Variants in TENM2 observed in about 807,000 individuals in gnomAD.
TENM2 encodes teneurin-2.
In TENM2, 52 loss-of-function variants were observed where a neutral mutation model predicts 245.2. The observed-to-expected ratio is 0.21, with a 90% CI of 0.17 to 0.27. The LOEUF (loss-of-function observed/expected upper bound fraction) is 0.27. Among genes scored for constraint, TENM2 ranks in the 10% least tolerant of loss-of-function variants. TENM2 has a pLI of 1.00. For missense variants in TENM2, 3,046 were observed against 3,666.8 expected (o/e 0.83, Z 4.37); for synonymous variants, 1,363 against 1,438.9 (o/e 0.95, Z 1.19).
At chr5:167,016,708 A>G in the TENM2 span, among the ~76,000 whole-genome samples, 1 of 152,204 alleles carries the variant, frequency 6.6e-6, no homozygotes, top group Non-Finnish European at 1.5e-5. Flanking sequence ...AGAAACACAT[A>G]TGCTAGTTTG....
At chr5:166,981,280 G>A in the TENM2 span, among the ~76,000 whole-genome samples, 8 of 152,148 alleles carry the variant, frequency 5.3e-5, no homozygotes, top group Admixed American at 4.6e-4. Context: ...TGGGTCCCTT[G>A]AGATGGCAAT....
intron 3 of TENM2, chr5:167,938,220 T>C (rs1342160565): frequency 6.6e-6 from 1 of 152,242 alleles, no homozygotes; most frequent in Non-Finnish European, 1.5e-5. Flanking sequence ...TGTGCCATGA[T>C]GCATCCTTTA....
intron 2 of TENM2, among the ~76,000 whole-genome samples, chr5:167,743,851 A>G (rs865926196): frequency 6.6e-6 from 1 of 152,208 alleles, no homozygotes; most frequent in Non-Finnish European, 1.5e-5. Flanking sequence ...TACTGACCTT[A>G]CCCCTCACTG....
At chr5:167,031,507 A>G in the TENM2 span, among the ~76,000 whole-genome samples, 1 of 152,176 alleles carries the variant, frequency 6.6e-6, no homozygotes, top group African/African-American at 2.4e-5. Flanking sequence ...AGCAAAATGA[A>G]TGGCTTGTTA....
chr5:167,299,531 G>A (rs1233845541), intron 1 of TENM2, among the ~76,000 whole-genome samples: 1 of 152,164 alleles, frequency 6.6e-6, no homozygotes, highest in Non-Finnish European at 1.5e-5. Flanking sequence ...AACAGCAGAT[G>A]GAACACTGAG....
At chr5:167,463,137 C>A (rs1766428625) in intron 2 of TENM2, among the ~76,000 whole-genome samples, 1 of 152,080 alleles carries the variant, frequency 6.6e-6, no homozygotes, top group South Asian at 2.1e-4. Flanking sequence ...TATTATATTT[C>A]CTAGTTCAGT....
chr5:167,942,787 A>C (rs1290063704), intron 3 of TENM2, among the ~76,000 whole-genome samples: 1 of 152,130 alleles, frequency 6.6e-6, no homozygotes, highest in Non-Finnish European at 1.5e-5. Context: ...TTGGGAGGTA[A>C]AGACAACTCC....
At chr5:167,234,862 A>G in the TENM2 span, among the ~76,000 whole-genome samples, 1 of 152,294 alleles carries the variant, frequency 6.6e-6, no homozygotes, top group South Asian at 2.1e-4. Context: ...CAATTTGAGC[A>G]TACTTTATGC....
At chr5:168,115,298 A>G (rs537171137) in intron 9 of TENM2, among the ~76,000 whole-genome samples, 15 of 143,906 alleles carry the variant, frequency 1.0e-4, no homozygotes, top group Non-Finnish European at 4.6e-5. Flanking sequence ...GTCTCAAAAA[A>G]AGAAAGAAGG....
At chr5:167,023,414 A>T in the TENM2 span, among the ~76,000 whole-genome samples, 1 of 152,216 alleles carries the variant, frequency 6.6e-6, no homozygotes, top group Non-Finnish European at 1.5e-5. Flanking sequence ...TAATCCTTCT[A>T]TTGGTTTGTG....
intron 2 of TENM2, among the ~76,000 whole-genome samples, chr5:167,524,758 T>A (rs1770992898): frequency 6.6e-6 from 1 of 151,666 alleles, no homozygotes; most frequent in Non-Finnish European, 1.5e-5. Flanking sequence ...GAACCCCAGG[T>A]CATTGCTATT....
chr5:167,260,367 T>C, the TENM2 span, among the ~76,000 whole-genome samples: 3 of 152,196 alleles, frequency 2.0e-5, no homozygotes, highest in Non-Finnish European at 4.4e-5. Flanking sequence ...AATTTGATTT[T>C]CAAAATCCTA....
intron 2 of TENM2, among the ~76,000 whole-genome samples, chr5:167,578,082 G>A (rs1202844361): frequency 1.3e-5 from 2 of 152,196 alleles, no homozygotes; most frequent in African/African-American, 4.8e-5. Context: ...GGCAAGCCAA[G>A]GTATTTGATA....
At chr5:167,667,434 T>C (rs1755647558) in intron 2 of TENM2, among the ~76,000 whole-genome samples, 1 of 152,178 alleles carries the variant, frequency 6.6e-6, no homozygotes, top group South Asian at 2.1e-4. Flanking sequence ...TCACTCAAAT[T>C]TCTCTCATGC....
At chr5:168,111,879 G>A (rs1794695931) in intron 9 of TENM2, among the ~76,000 whole-genome samples, 1 of 151,994 alleles carries the variant, frequency 6.6e-6, no homozygotes, top group African/African-American at 2.4e-5. Flanking sequence ...ACCTTTATTG[G>A]CAACTTATAT....
the TENM2 span, among the ~76,000 whole-genome samples, chr5:167,082,154 CTTA>C: frequency 2.0e-5 from 3 of 152,122 alleles, no homozygotes; most frequent in Non-Finnish European, 2.9e-5. Flanking sequence ...TTTTGTTCTT[CTTA>C]TTATTACTAC....
intron 12 of TENM2, among the ~76,000 whole-genome samples, chr5:168,144,680 C>A (rs1314276192): frequency 3.3e-5 from 5 of 151,610 alleles, no homozygotes; most frequent in Non-Finnish European, 5.9e-5. Context: ...ATTTATAGTC[C>A]TTTGGGTATA....
chr5:167,122,515 G>A, the TENM2 span, among the ~76,000 whole-genome samples: 4 of 152,134 alleles, frequency 2.6e-5, no homozygotes, highest in East Asian at 5.8e-4. Context: ...GCTCTCAAAT[G>A]ACAGCTTATG....
chr5:167,647,069 C>A (rs1026500419), intron 2 of TENM2, among the ~76,000 whole-genome samples: 46 of 152,172 alleles, frequency 3.0e-4, no homozygotes, highest in African/African-American at 1.1e-3. Flanking sequence ...GTGATAATAC[C>A]AAAGATGGGA....
Sources: allele counts gnomAD v4.1 joint callset (sites outside exome capture counted in the v4.1 genomes callset), GRCh38; gene constraint gnomAD v4.1.1; transcripts MANE v1.5; gene names NCBI Gene and HGNC (gene_info 2026-07-23, HGNC 2026-07-21).